Variants in WFDC8 observed in about 807,000 individuals in gnomAD.
WFDC8 encodes WAP four-disulfide core domain 8.
Under a neutral mutation model 27.0 loss-of-function variants are expected in WFDC8, and 24 were observed. That is an observed-to-expected ratio of 0.89 (90% CI 0.64 to 1.25). WFDC8 has a LOEUF of 1.25. WFDC8 is among the 50% of genes most tolerant of loss of function. The pLI is 0.00. For synonymous variants in WFDC8, 106 were observed against 99.7 expected, an observed-to-expected ratio of 1.06 and a Z score of -0.38; for missense variants, 287 against 295.9, an observed-to-expected ratio of 0.97 and a Z score of 0.22.
chr20:45,569,675 G>T (rs1018952319), intron 1 of WFDC8, among the ~76,000 whole-genome samples: 1 of 152,138 alleles, frequency 6.6e-6, no homozygotes, highest in Non-Finnish European at 1.5e-5. Flanking sequence ...AATTGTGCAA[G>T]GAAGGGGTCC....
intron 3 of WFDC8, among the ~76,000 whole-genome samples, chr20:45,557,599 ATTTTTGTAT>A (rs1262856542): frequency 1.3e-5 from 2 of 151,972 alleles, no homozygotes; most frequent in Admixed American, 1.3e-4. Flanking sequence ...TGCCCAGCTA[ATTTTTGTAT>A]TTTTAGTAGA....
At chr20:45,561,631 C>T in intron 2 of WFDC8, among the ~76,000 whole-genome samples, 1 of 152,128 alleles carries the variant, frequency 6.6e-6, no homozygotes, top group Admixed American at 6.5e-5. Context: ...AGATCAGCAC[C>T]TGATCTCACC....
At chr20:45,561,947 G>A (rs1170941873) in intron 2 of WFDC8, among the ~76,000 whole-genome samples, 163 bp downstream of exon 2, 2 of 152,168 alleles carry the variant, frequency 1.3e-5, no homozygotes, top group Non-Finnish European at 2.9e-5. Context: ...GAGCAAGTAA[G>A]GAAAGTATGT....
In WFDC8 at chr20:45,552,042, A is replaced by T; in HGVS notation, c.710T>A (p.Met237Lys). 6.2e-7 allele frequency: 1 copy of T among 1,614,110 alleles called. No homozygotes were observed. The highest frequency in any genetic ancestry group is 8.5e-7 in the Non-Finnish European group (1 of 1,179,954). Residue 237 changes from methionine to lysine, a missense_variant, in exon 6 of 6, where the codon ATG becomes AAG. Met to Lys is a moderately conservative substitution (Grantham distance 95, BLOSUM62 -1). Transcript: ENST00000289953. ...KCCSHCGLKC[M>K]DPRR ...ACTTACTATTCAACGTCTGGGGTCC[A>T]TACATTTCAGTCCACAATGTGAGCA...
intron 1 of WFDC8, among the ~76,000 whole-genome samples, chr20:45,575,784 C>T (rs1244848554): frequency 6.6e-6 from 1 of 151,304 alleles, no homozygotes; most frequent in African/African-American, 2.4e-5. Flanking sequence ...TCTCGCTACC[C>T]TCTAGTTCTC....
chr20:45,574,752 C>T (rs904325921), intron 1 of WFDC8, among the ~76,000 whole-genome samples: 1 of 152,136 alleles, frequency 6.6e-6, no homozygotes, highest in African/African-American at 2.4e-5. Context: ...GAACCAAGAT[C>T]GTGCCGCTGC....
chr20:45,558,770 C>T (rs1453755643), intron 3 of WFDC8, 82 bp downstream of exon 3: 7 of 1,551,980 alleles, frequency 4.5e-6, no homozygotes, highest in Non-Finnish European at 6.1e-6. Flanking sequence ...GGTCCTTGTC[C>T]TGCCATCCAA....
intron 2 of WFDC8, among the ~76,000 whole-genome samples, chr20:45,560,533 G>A (rs1375794377): frequency 1.3e-5 from 2 of 152,206 alleles, no homozygotes; most frequent in Non-Finnish European, 2.9e-5. Flanking sequence ...GGCCAGAGAG[G>A]CATGATCCTT....
chr20:45,555,098 A>C (rs1450377179), intron 4 of WFDC8, among the ~76,000 whole-genome samples: 1 of 152,208 alleles, frequency 6.6e-6, no homozygotes, highest in African/African-American at 2.4e-5. Context: ...GTGACTCCAG[A>C]ATTACAGAAG....
chr20:45,553,350 T>G, intron 4 of WFDC8, 74 bp from the exon 5 acceptor site: 1 of 1,526,972 alleles, frequency 6.5e-7, no homozygotes, highest in South Asian at 1.3e-5. Flanking sequence ...CCTTTCCTTC[T>G]CTTCAAAGCT....
chr20:45,565,625 A>G (rs985684251), intron 1 of WFDC8, among the ~76,000 whole-genome samples: 7 of 152,182 alleles, frequency 4.6e-5, no homozygotes, highest in Non-Finnish European at 7.3e-5. Context: ...TTTCCTGAGG[A>G]TGCTTTCCAT....
At chr20:45,565,326 G>A (rs1242867568) in intron 1 of WFDC8, among the ~76,000 whole-genome samples, 2 of 152,162 alleles carry the variant, frequency 1.3e-5, no homozygotes, top group Admixed American at 6.5e-5. Flanking sequence ...GGCTTGTTCA[G>A]GCTGGGGTAC....
Position 45,551,970 on chromosome 20 carries a change from C to T in WFDC8, c.*56G>A. The T allele has an allele frequency of 6.3e-7, 1 of 1,590,986 alleles. No homozygotes were observed. Among genetic ancestry groups the T allele is most frequent in the Non-Finnish European group, 8.6e-7 (1 of 1,166,062 alleles). On this transcript the variant is annotated 3_prime_UTR_variant, in exon 6 of 6. Transcript: ENST00000289953. ...TGGATACAAGACAAAACTGACAGCT[C>T]TTTATCATGCTACTCATAATTAATG...
chr20:45,568,933 T>C (rs1231274876), intron 1 of WFDC8: 1 of 209,392 alleles, frequency 4.8e-6, no homozygotes, highest in East Asian at 1.0e-4. Context: ...GACTCAGATC[T>C]GGTTTTGGCC....
intron 1 of WFDC8, among the ~76,000 whole-genome samples, chr20:45,569,788 ATGTCCATCAATGGTAGACTG>A (rs1325336337): frequency 1.3e-5 from 2 of 152,324 alleles, no homozygotes; most frequent in East Asian, 3.9e-4. Context: ...ATTGACCTAA[ATGTCCATCAATGGTAGACTG>A]GATAAAGAAA....
At chr20:45,569,437 A>G (rs1413654288) in intron 1 of WFDC8, among the ~76,000 whole-genome samples, 1 of 152,342 alleles carries the variant, frequency 6.6e-6, no homozygotes, top group Non-Finnish European at 1.5e-5. Flanking sequence ...TTATTATTAT[A>G]TCATTGAAAT....
At chr20:45,568,579 A>T in intron 1 of WFDC8, 1 of 499,904 alleles carries the variant, frequency 2.0e-6, no homozygotes, top group East Asian at 5.2e-5. Flanking sequence ...CTCCAGTCAC[A>T]GTCCAGCCAA....
chr20:45,562,902 C>G (rs1568638616), intron 1 of WFDC8, among the ~76,000 whole-genome samples: 1 of 152,014 alleles, frequency 6.6e-6, no homozygotes, highest in Non-Finnish European at 1.5e-5. Context: ...ACTGTATTAA[C>G]TCTTAGAGTG....
At chr20:45,578,195 T>C (rs1357083889) in intron 1 of WFDC8, among the ~76,000 whole-genome samples, 1 of 151,362 alleles carries the variant, frequency 6.6e-6, no homozygotes, top group Admixed American at 6.6e-5. Flanking sequence ...AACAAGGTTA[T>C]GTATTGATCA....
Sources: gnomAD v4.1 joint callset for allele counts (sites outside exome capture counted in the v4.1 genomes callset) on GRCh38, gnomAD v4.1.1 for gene constraint, MANE v1.5 for transcripts, NCBI Gene and HGNC (gene_info 2026-07-23, HGNC 2026-07-21) for gene names.